The following CAB39L variants were observed in gnomAD, a reference collection of about 807,000 sequenced individuals.
The protein encoded by CAB39L is calcium binding protein 39 like.
Under a neutral mutation model 39.1 loss-of-function variants are expected in CAB39L, and 23 were observed. The ratio of observed to expected loss-of-function variants is 0.59; its 90% CI spans 0.42 to 0.83. The LOEUF (loss-of-function observed/expected upper bound fraction) is 0.83, where lower values mean the gene tolerates loss of function less well. CAB39L is among the 40% of genes least tolerant of loss of function. CAB39L has a pLI of 0.00. For missense variants in CAB39L, 366 were observed against 391.9 expected, an observed-to-expected ratio of 0.93 and a Z score of 0.56; for synonymous variants, 126 against 137.2, an observed-to-expected ratio of 0.92 and a Z score of 0.57.
chr13:49,331,777 T>C (rs976503399), intron 10 of CAB39L, among the ~76,000 whole-genome samples, 170 bp downstream of exon 10: 1 of 152,176 alleles, frequency 6.6e-6, no homozygotes, highest in Non-Finnish European at 1.5e-5. Flanking sequence ...CCTTTATGAA[T>C]GGGCATTCAT....
At chr13:49,419,961 G>A (rs905898113) in intron 3 of CAB39L, among the ~76,000 whole-genome samples, 1 of 151,966 alleles carries the variant, frequency 6.6e-6, no homozygotes, top group African/African-American at 2.4e-5. Context: ...CAGTAAATAG[G>A]ATTAATTAAA....
intron 7 of CAB39L, among the ~76,000 whole-genome samples, chr13:49,346,570 C>G (rs921094098): frequency 6.6e-6 from 1 of 151,966 alleles, no homozygotes; most frequent in Non-Finnish European, 1.5e-5. Context: ...ATGAATACTG[C>G]TTGAGAGAAA....
intron 3 of CAB39L, among the ~76,000 whole-genome samples, chr13:49,386,931 T>C (rs1956377535): frequency 6.6e-6 from 1 of 152,066 alleles, no homozygotes; most frequent in Admixed American, 6.6e-5. Flanking sequence ...TGGGCGACCA[T>C]GCTGGTCACT....
At chr13:49,357,882 A>G (rs1423364224) in intron 6 of CAB39L, among the ~76,000 whole-genome samples, 1 of 152,150 alleles carries the variant, frequency 6.6e-6, no homozygotes, top group African/African-American at 2.4e-5. Context: ...AGTATTTCCA[A>G]CTTCATACGG....
Position 49,344,248 on chromosome 13 carries a change from G to T in CAB39L, c.565-10C>A. 1 of 1,554,604 alleles carries T rather than the reference G, an allele frequency of 6.4e-7. No homozygotes were observed. Among genetic ancestry groups the T allele is most frequent in the Non-Finnish European group, 8.9e-7 (1 of 1,128,152 alleles). Reference sequence around the variant, plus strand: ...GTCTGGTTAGTAAATCCTAGAAAAAGAAAAACCAAGTGAAACAAAACTGTT... The same window carrying T: ...GTCTGGTTAGTAAATCCTAGAAAAATAAAAACCAAGTGAAACAAAACTGTT... On this transcript the variant is annotated splice_polypyrimidine_tract_variant and intron_variant, in intron 7 of 10. Coordinates refer to ENST00000409308, the MANE Select transcript of CAB39L (RefSeq NM_001079670.3).
chr13:49,385,575 C>G (rs1247515643), intron 3 of CAB39L, among the ~76,000 whole-genome samples: 2 of 152,198 alleles, frequency 1.3e-5, no homozygotes, highest in Non-Finnish European at 1.5e-5. Flanking sequence ...GCCTTCCTCA[C>G]TAAGACTAAT....
chr13:49,322,779 G>T (rs1954385295), intron 10 of CAB39L, among the ~76,000 whole-genome samples: 1 of 152,136 alleles, frequency 6.6e-6, no homozygotes, highest in African/African-American at 2.4e-5. Context: ...TGGCAAACAA[G>T]AATTGATTCC....
chr13:49,357,821 G>T (rs955605962), intron 6 of CAB39L, among the ~76,000 whole-genome samples: 1 of 152,136 alleles, frequency 6.6e-6, no homozygotes, highest in Non-Finnish European at 1.5e-5. Flanking sequence ...CCTACAGAAT[G>T]ACATTCAAAC....
chr13:49,320,953 A>C (rs1954320860), intron 10 of CAB39L, among the ~76,000 whole-genome samples: 1 of 152,186 alleles, frequency 6.6e-6, no homozygotes, highest in South Asian at 2.1e-4. Flanking sequence ...CAAGGGAGGA[A>C]GAAAAGCCCC....
In CAB39L at chr13:49,310,268, C is replaced by T; in HGVS notation, c.*546G>A. On this transcript the variant is annotated 3_prime_UTR_variant, in exon 11 of 11. Transcript: ENST00000409308. ...GGACAGGGAGAGAGGGGAGACTGAG[C>T]TGAGAGGGAGCACTGGATCCTGGGA... is the stretch of plus-strand genomic sequence containing the variant. 1 of 153,144 alleles carries T rather than the reference C, an allele frequency of 6.5e-6. No individual in the cohort carries two copies. The highest frequency in any genetic ancestry group is 1.5e-5 in the Non-Finnish European group (1 of 68,664). 9.5% of individuals were successfully genotyped at this position (153,144 alleles called of 1,614,324 possible). A position where few individuals can be genotyped will look rare whatever the true frequency, so the allele number is the denominator to read the frequency against.
chr13:49,312,912 C>T (rs147845384), intron 10 of CAB39L, among the ~76,000 whole-genome samples: 1 of 152,128 alleles, frequency 6.6e-6, no homozygotes, highest in Non-Finnish European at 1.5e-5. Context: ...TGGAACCAAA[C>T]CCTCACCTTC....
At chr13:49,423,631 G>T (rs565427159) in intron 3 of CAB39L, among the ~76,000 whole-genome samples, 2 of 152,198 alleles carry the variant, frequency 1.3e-5, no homozygotes, top group South Asian at 4.2e-4. Flanking sequence ...ACCCTAAGTT[G>T]CTGTAAAGGT....
chr13:49,359,696 A>T lies in CAB39L; in HGVS notation c.395+18T>A, dbSNP rs1178316794. The T allele has an allele frequency of 7.3e-7, 1 of 1,363,952 alleles. No individual in the cohort carries two copies. Among genetic ancestry groups the T allele is most frequent in the South Asian group, 1.2e-5 (1 of 81,658 alleles). The allele number at this position is 1,363,952 out of a possible 1,614,324, so 84.5% of individuals were successfully genotyped here. On this transcript the variant is annotated intron_variant, in intron 6 of 10. Transcript: ENST00000409308. Reference sequence around the variant, plus strand: ...TATTAAAAACTTAGCCCTACTTGAAAGGAAGCCATGTACCTACCCTTTGAG... The same window carrying T: ...TATTAAAAACTTAGCCCTACTTGAATGGAAGCCATGTACCTACCCTTTGAG...
intron 4 of CAB39L, among the ~76,000 whole-genome samples, chr13:49,381,031 G>A (rs1319199966): frequency 6.6e-6 from 1 of 152,146 alleles, no homozygotes; most frequent in Non-Finnish European, 1.5e-5. Context: ...GCGTTCAAGC[G>A]ATTCTCCGGC....
chr13:49,338,797 A>C (rs1954920743), intron 9 of CAB39L, among the ~76,000 whole-genome samples: 1 of 152,220 alleles, frequency 6.6e-6, no homozygotes. Context: ...TTCATATTTC[A>C]GAATCTCTCC....
chr13:49,405,545 C>G (rs1956852609), intron 3 of CAB39L, among the ~76,000 whole-genome samples: 3 of 152,020 alleles, frequency 2.0e-5, no homozygotes, highest in African/African-American at 7.2e-5. Context: ...GAGGCTGAGA[C>G]AGGAGGATTG....
chr13:49,442,777 G>T (rs1163914964), intron 1 of CAB39L, among the ~76,000 whole-genome samples: 1 of 109,966 alleles, frequency 9.1e-6, no homozygotes, highest in Admixed American at 1.1e-4. Context: ...GGCGACAAGA[G>T]ACTCCATCTC....
chr13:49,394,598 T>TA (rs1956566496), intron 3 of CAB39L, among the ~76,000 whole-genome samples: 1 of 152,150 alleles, frequency 6.6e-6, no homozygotes, highest in Admixed American at 6.5e-5. Context: ...TGCAATTTTT[T>TA]ATCATAAAAA....
chr13:49,329,967 A>T (rs1245489528), intron 10 of CAB39L, among the ~76,000 whole-genome samples: 1 of 152,092 alleles, frequency 6.6e-6, no homozygotes, highest in Admixed American at 6.5e-5. Flanking sequence ...TTATCTGCCT[A>T]CTTAGAAGTT....
Sources: gnomAD v4.1 joint callset for allele counts (sites outside exome capture counted in the v4.1 genomes callset) on GRCh38, gnomAD v4.1.1 for gene constraint, MANE v1.5 for transcripts, NCBI Gene and HGNC (gene_info 2026-07-23, HGNC 2026-07-21) for gene names.